Variants in ETV1 observed in about 807,000 individuals in gnomAD.
The protein encoded by ETV1 is ETS variant transcription factor 1.
ETV1 carries 27 observed loss-of-function variants against 62.3 expected under a neutral mutation model. That is an observed-to-expected ratio of 0.43 (90% CI 0.32 to 0.60). ETV1 has a LOEUF of 0.60. Ranked by LOEUF, ETV1 falls within the 20% of genes least tolerant of loss-of-function variation. The pLI is 0.06. For synonymous variants in ETV1, 222 were observed against 199.6 expected (o/e 1.11, Z -0.94); for missense variants, 605 against 605.8 (o/e 1.00, Z 0.01).
chr7:13,927,803 T>G (rs1350793036), intron 9 of ETV1, among the ~76,000 whole-genome samples: 3 of 152,240 alleles, frequency 2.0e-5, no homozygotes, highest in Admixed American at 6.5e-5. Flanking sequence ...ACTATATTTA[T>G]TTTAAATCCT....
At chr7:13,916,945 G>C (rs886600357) in intron 9 of ETV1, among the ~76,000 whole-genome samples, 1 of 148,616 alleles carries the variant, frequency 6.7e-6, no homozygotes, top group African/African-American at 2.5e-5. Flanking sequence ...AAAAAAAAAA[G>C]TAAAAGTAAA....
At chr7:13,913,523 A>C (rs191598650) in intron 9 of ETV1, among the ~76,000 whole-genome samples, 15 of 152,326 alleles carry the variant, frequency 9.8e-5, no homozygotes, top group Admixed American at 9.1e-4. Context: ...GGAGTAAGTT[A>C]TGTGCAACAT....
At position 13,989,157 on chromosome 7, in the gene ETV1, G is replaced by A. The variant is rs1782833313; in HGVS notation, c.-87-18C>T. ...CTATCAACCTAGAGGGGAACAAGAT[G>A]GCTTTTAGGCTTAAAAAAAAATCAT... On this transcript the variant is annotated intron_variant, in intron 2 of 13. Transcript: ENST00000430479. 4 of 888,762 alleles carry A rather than the reference G, an allele frequency of 4.5e-6. No individual in the cohort carries two copies. Among genetic ancestry groups the A allele is most frequent in the Non-Finnish European group, 6.7e-6 (4 of 599,508 alleles). The allele number at this position is 888,762 out of a possible 1,614,324, so 55.1% of individuals were successfully genotyped here.
chr7:13,935,301 A>G (rs1250405752), intron 8 of ETV1, among the ~76,000 whole-genome samples: 1 of 152,212 alleles, frequency 6.6e-6, no homozygotes. Context: ...GAACCATTCA[A>G]TATAAGGTAG....
chr7:13,907,186 G>C (rs1430978572), intron 11 of ETV1, among the ~76,000 whole-genome samples: 2 of 152,062 alleles, frequency 1.3e-5, no homozygotes, highest in African/African-American at 4.8e-5. Context: ...AAAATCTTGT[G>C]GGTAATTCAG....
intron 13 of ETV1, among the ~76,000 whole-genome samples, chr7:13,899,227 A>T (rs1782152562): frequency 6.6e-6 from 1 of 152,198 alleles, no homozygotes; most frequent in South Asian, 2.1e-4. Flanking sequence ...AATGTATTTG[A>T]AGGATCTTAC....
chr7:13,924,788 A>G (rs1283860619), intron 9 of ETV1, among the ~76,000 whole-genome samples: 1 of 152,198 alleles, frequency 6.6e-6, no homozygotes, highest in African/African-American at 2.4e-5. Flanking sequence ...TGAACCTCAG[A>G]TATTTATCTG....
rs368628777 is a variant in ETV1, at chr7:13,931,676, T to C, written c.628A>G (p.Met210Val). The change falls in exon 9 of 14, where the codon ATG becomes GTG. Residue 210 changes from methionine to valine, a missense_variant. This residue lies in a region of ETV1 where 426 missense variants were observed against 377.8 expected (regional missense o/e 1.13). Coordinates refer to ENST00000430479, the MANE Select transcript of ETV1 (RefSeq NM_004956.5). The stretch of plus-strand genomic sequence containing the variant: ...GGCTCAGACATCTGGCGTTGGTACA[T>C]AGGACGTCCTTCCCTTGGCATCGTC... ...LPTMPREGRP[M>V]YQRQMSEPNI... 4 of 1,613,694 alleles carry C rather than the reference T, an allele frequency of 2.5e-6. No individual in the cohort carries two copies. The highest frequency in any genetic ancestry group is 2.7e-5 in the African/African-American group (2 of 74,920).
At chr7:13,985,047 A>C (rs989699035) in intron 5 of ETV1, among the ~76,000 whole-genome samples, 1 of 152,040 alleles carries the variant, frequency 6.6e-6, no homozygotes, top group Admixed American at 6.6e-5. Flanking sequence ...AAGTGCACTG[A>C]CTTGGAATCA....
intron 9 of ETV1, among the ~76,000 whole-genome samples, chr7:13,913,185 T>A (rs1309511797): frequency 2.0e-5 from 3 of 152,238 alleles, no homozygotes; most frequent in Non-Finnish European, 4.4e-5. Flanking sequence ...CAGTTCTGTT[T>A]CTTCACGAAT....
chr7:13,922,061 C>G (rs1784903601), intron 9 of ETV1, among the ~76,000 whole-genome samples: 1 of 152,106 alleles, frequency 6.6e-6, no homozygotes, highest in East Asian at 1.9e-4. Flanking sequence ...CAATGTAATA[C>G]ATGAATTATA....
At chr7:13,923,022 T>C (rs1221094325) in intron 9 of ETV1, among the ~76,000 whole-genome samples, 1 of 152,208 alleles carries the variant, frequency 6.6e-6, no homozygotes, top group Admixed American at 6.5e-5. Context: ...TAGTAATAAA[T>C]GCAATAGTAA....
intron 6 of ETV1, among the ~76,000 whole-genome samples, chr7:13,955,681 G>C (rs1229923408): frequency 6.6e-6 from 1 of 152,170 alleles, no homozygotes; most frequent in Non-Finnish European, 1.5e-5. Flanking sequence ...TACTTTGCAA[G>C]TATTGTAGGA....
At chr7:13,920,618 A>G (rs1225461869) in intron 9 of ETV1, among the ~76,000 whole-genome samples, 1 of 152,204 alleles carries the variant, frequency 6.6e-6, no homozygotes, top group East Asian at 1.9e-4. Flanking sequence ...TCAGCCTTCC[A>G]TTACTGCCTT....
chr7:13,894,975 C>T lies in ETV1; in HGVS notation c.*891G>A, dbSNP rs1044160851. The T allele has an allele frequency of 4.3e-6, 1 of 232,860 alleles. No individual in the cohort carries two copies. The allele number at this position is 232,860 out of a possible 1,614,324, so 14.4% of individuals were successfully genotyped here. A position where few individuals can be genotyped will look rare whatever the true frequency, so the allele number is the denominator to read the frequency against. On this transcript the variant is annotated 3_prime_UTR_variant, in exon 14 of 14. Transcript: ENST00000430479. ...ATTGATTAAATAATGTATTTATGTACTGAAGAAAGTGAAAAGGAGACAGAT... is the reference window on the plus strand; with the variant it reads ...ATTGATTAAATAATGTATTTATGTATTGAAGAAAGTGAAAAGGAGACAGAT...
intron 9 of ETV1, among the ~76,000 whole-genome samples, chr7:13,929,653 A>G (rs1785859152): frequency 6.6e-6 from 1 of 152,048 alleles, no homozygotes; most frequent in African/African-American, 2.4e-5. Flanking sequence ...CTAGCACTAT[A>G]TATAGGAGCA....
At chr7:13,924,107 C>T (rs1051151194) in intron 9 of ETV1, among the ~76,000 whole-genome samples, 9 of 152,032 alleles carry the variant, frequency 5.9e-5, no homozygotes, top group Admixed American at 5.9e-4. Context: ...TCAACAACAG[C>T]TTTCTTTACA....
At chr7:13,963,194 T>C (rs1790389723) in intron 6 of ETV1, among the ~76,000 whole-genome samples, 1 of 152,076 alleles carries the variant, frequency 6.6e-6, no homozygotes, top group Admixed American at 6.6e-5. Flanking sequence ...CAAATATAAA[T>C]GATTAGTATT....
chr7:13,975,132 C>T (rs1781294395), intron 6 of ETV1: 1 of 152,236 alleles, frequency 6.6e-6, no homozygotes, highest in Non-Finnish European at 1.5e-5. Context: ...AAATTCATTT[C>T]CTCAGTCCCA....
Sources: allele counts gnomAD v4.1 joint callset (sites outside exome capture counted in the v4.1 genomes callset), GRCh38; gene constraint gnomAD v4.1.1; regional missense constraint gnomAD v4.1.1; transcripts MANE v1.5; gene names NCBI Gene and HGNC (gene_info 2026-07-23, HGNC 2026-07-21).